The following GPHN variants were observed in gnomAD, a reference collection of about 807,000 sequenced individuals.
The protein encoded by GPHN is gephyrin.
A neutral mutation model predicts 95.5 loss-of-function variants in GPHN; 17 were observed. That is an observed-to-expected ratio of 0.18 (90% confidence interval 0.12 to 0.27). The LOEUF is 0.27. GPHN is among the 10% of genes least tolerant of loss of function. The pLI is 1.00. For synonymous variants in GPHN, 320 were observed against 322.5 expected, an observed-to-expected ratio of 0.99 and a Z score of 0.08; for missense variants, 660 against 978.1, an observed-to-expected ratio of 0.67 and a Z score of 4.34.
chr14:66,910,494 TA>T (rs1170878784), intron 5 of GPHN, among the ~76,000 whole-genome samples: 1 of 151,946 alleles, frequency 6.6e-6, no homozygotes, highest in African/African-American at 2.4e-5. Context: ...TTTTATACAG[TA>T]AAACTGCACA....
the GPHN span, among the ~76,000 whole-genome samples, chr14:67,190,091 A>AT: frequency 1.4e-5 from 1 of 73,576 alleles, no homozygotes; most frequent in South Asian, 4.3e-4. Flanking sequence ...TTTTTTTTGT[A>AT]TTTTTGTAGA....
At chr14:67,269,472 C>A in the GPHN span, among the ~76,000 whole-genome samples, 1 of 152,050 alleles carries the variant, frequency 6.6e-6, no homozygotes, top group Admixed American at 6.6e-5. Context: ...TGGAAAGTTT[C>A]CATTTGACAT....
chr14:67,138,265 A>T (rs1270205792), intron 17 of GPHN, among the ~76,000 whole-genome samples: 1 of 152,188 alleles, frequency 6.6e-6, no homozygotes, highest in Non-Finnish European at 1.5e-5. Flanking sequence ...GTATTTTTTA[A>T]AAACATTAGT....
the GPHN span, chr14:67,650,999 G>A: frequency 1.5e-6 from 2 of 1,373,170 alleles, no homozygotes; most frequent in Admixed American, 3.7e-5. Flanking sequence ...AATACTAAAT[G>A]GTTGTCTGGG....
chr14:67,425,416 G>A, the GPHN span, among the ~76,000 whole-genome samples: 2 of 151,900 alleles, frequency 1.3e-5, no homozygotes, highest in African/African-American at 4.8e-5. Flanking sequence ...GGTGGCACAC[G>A]CCTATAGTCC....
At chr14:67,695,922 C>G in the GPHN span, 1 of 571,610 alleles carries the variant, frequency 1.7e-6, no homozygotes, top group South Asian at 2.2e-5. Flanking sequence ...CCCCAACCAT[C>G]TAGGGCTTAG....
At chr14:66,592,171 TAAATG>T (rs1430088791) in intron 1 of GPHN, among the ~76,000 whole-genome samples, 1 of 152,174 alleles carries the variant, frequency 6.6e-6, no homozygotes, top group Non-Finnish European at 1.5e-5. Flanking sequence ...ATTAAATACT[TAAATG>T]TAAGACCTAA....
At chr14:67,686,495 C>T in the GPHN span, among the ~76,000 whole-genome samples, 3 of 152,078 alleles carry the variant, frequency 2.0e-5, no homozygotes, top group East Asian at 1.9e-4. Context: ...AAAAATTGGC[C>T]GGGCATGGTG....
chr14:66,619,216 A>T (rs2063181418), intron 1 of GPHN, among the ~76,000 whole-genome samples: 1 of 152,122 alleles, frequency 6.6e-6, no homozygotes, highest in South Asian at 2.1e-4. Flanking sequence ...ATAGACATTT[A>T]CTTTTTTATT....
intron 1 of GPHN, among the ~76,000 whole-genome samples, chr14:66,535,821 T>C (rs909867626): frequency 6.6e-6 from 1 of 152,134 alleles, no homozygotes; most frequent in African/African-American, 2.4e-5. Context: ...CCGCTAAATT[T>C]GCTTATTTTT....
At position 67,123,811 on chromosome 14, in the gene GPHN, T is replaced by C. The variant is rs571453008; in HGVS notation, c.1748+1434T>C. 2.5e-3 allele frequency among the ~76,000 whole-genome samples: 363 copies of C among 146,610 alleles called. 4 individuals are homozygous for C. Among genetic ancestry groups the C allele is most frequent in the African/African-American group, 8.4e-3 (342 of 40,850 alleles). ...AAACATTATGAGATTTTTTTGCGAT[T>C]TTTTTTTTTAGCTCATTAGCTATCA... On this transcript the variant is annotated intron_variant, in intron 17 of 22. Coordinates refer to ENST00000478722, the MANE Select transcript of GPHN (RefSeq NM_020806.5).
At chr14:66,830,084 G>A (rs1404650116) in intron 4 of GPHN, among the ~76,000 whole-genome samples, 1 of 152,114 alleles carries the variant, frequency 6.6e-6, no homozygotes, top group Admixed American at 6.6e-5. Context: ...TTCAGAAGTT[G>A]TAAACAAGAC....
chr14:66,657,168 C>G (rs200317128), intron 1 of GPHN, among the ~76,000 whole-genome samples: 1 of 152,210 alleles, frequency 6.6e-6, no homozygotes, highest in Non-Finnish European at 1.5e-5. Context: ...CTAGATTGGA[C>G]TAGCCACAAA....
the GPHN span, chr14:67,729,230 T>A: frequency 9.9e-6 from 16 of 1,611,408 alleles, no homozygotes; most frequent in African/African-American, 1.1e-4. Flanking sequence ...CCAGGCGTCG[T>A]CCGCTCTGAG....
chr14:66,702,450 C>T (rs1320633539), intron 2 of GPHN, among the ~76,000 whole-genome samples: 2 of 152,172 alleles, frequency 1.3e-5, no homozygotes, highest in South Asian at 2.1e-4. Context: ...AGCAGGCACC[C>T]ATCTTTGCTG....
chr14:66,676,435 G>T (rs2066591575), intron 1 of GPHN, among the ~76,000 whole-genome samples: 2 of 152,002 alleles, frequency 1.3e-5, no homozygotes, highest in Non-Finnish European at 2.9e-5. Context: ...GATATTGTCT[G>T]AGTGTTTTTC....
chr14:67,473,762 G>T, the GPHN span: 1 of 1,613,792 alleles, frequency 6.2e-7, no homozygotes, highest in Non-Finnish European at 8.5e-7. The surrounding 1 kb of genome is among the most constrained non-coding windows in gnomAD (Gnocchi z 6.5). Flanking sequence ...GGATGGAGGT[G>T]CCGTAGATGA....
the GPHN span, among the ~76,000 whole-genome samples, chr14:67,274,548 G>T: frequency 6.6e-6 from 1 of 152,178 alleles, no homozygotes; most frequent in South Asian, 2.1e-4. Flanking sequence ...TTTGAAGTTG[G>T]ATAGGGTGAT....
At chr14:67,309,177 G>C in the GPHN span, among the ~76,000 whole-genome samples, 1 of 152,082 alleles carries the variant, frequency 6.6e-6, no homozygotes, top group Non-Finnish European at 1.5e-5. Context: ...TTTCCTATGA[G>C]GGTCAGCTTA....
Sources: allele counts gnomAD v4.1 joint callset (sites outside exome capture counted in the v4.1 genomes callset), GRCh38; gene constraint gnomAD v4.1.1; non-coding constraint Gnocchi (gnomAD v3.1); transcripts MANE v1.5; gene names NCBI Gene and HGNC (gene_info 2026-07-23, HGNC 2026-07-21).